SERGEF: variants seen among roughly 807,000 people sequenced by gnomAD.
The protein encoded by SERGEF is secretion-regulating guanine nucleotide exchange factor.
SERGEF carries 51 observed loss-of-function variants against 50.0 expected under a neutral mutation model. That is an observed-to-expected ratio of 1.02 (90% CI 0.81 to 1.29). SERGEF has a LOEUF of 1.29. SERGEF is among the 50% of genes most tolerant of loss of function. The probability of loss-of-function intolerance (pLI) is 0.00; values close to 1 mark genes in which losing one functional copy is unlikely to be tolerated. For synonymous variants in SERGEF, 205 were observed against 212.4 expected, an observed-to-expected ratio of 0.97 and a Z score of 0.30; for missense variants, 521 against 557.0, an observed-to-expected ratio of 0.94 and a Z score of 0.65.
chr11:18,008,180 G>T, intron 1 of SERGEF, 104 bp from the exon 2 acceptor site: 1 of 1,167,752 alleles, frequency 8.6e-7, no homozygotes, highest in Non-Finnish European at 1.2e-6. Flanking sequence ...CTCAGACCCT[G>T]TAACAGATGA....
intron 9 of SERGEF, among the ~76,000 whole-genome samples, chr11:17,879,522 G>A (rs993831096): frequency 2.0e-5 from 3 of 152,150 alleles, no homozygotes; most frequent in African/African-American, 4.8e-5. Context: ...TAAGACTAGA[G>A]CCACCATTCT....
intron 10 of SERGEF, among the ~76,000 whole-genome samples, chr11:17,810,867 G>A (rs1444101470): frequency 2.0e-5 from 3 of 152,068 alleles, no homozygotes; most frequent in East Asian, 3.9e-4. Context: ...GTTCTGGGAT[G>A]CAAGCCAAGC....
intron 9 of SERGEF, among the ~76,000 whole-genome samples, chr11:17,927,154 A>G (rs1852267140): frequency 6.6e-6 from 1 of 152,142 alleles, no homozygotes; most frequent in Non-Finnish European, 1.5e-5. Context: ...AGTGTCCCAG[A>G]CACACCTTTT....
intron 10 of SERGEF, among the ~76,000 whole-genome samples, chr11:17,875,953 T>G (rs1221422895): frequency 2.0e-5 from 3 of 152,186 alleles, no homozygotes; most frequent in Admixed American, 2.0e-4. Flanking sequence ...GCAGTAGGAT[T>G]GAGGGGAGGA....
At chr11:17,820,189 TG>T (rs1850052569) in intron 10 of SERGEF, among the ~76,000 whole-genome samples, 1 of 152,110 alleles carries the variant, frequency 6.6e-6, no homozygotes, top group Non-Finnish European at 1.5e-5. Context: ...TGGGTATTCC[TG>T]CCCTTGTCCT....
rs769726791 is a variant in SERGEF at position 17,992,986 on chromosome 11, C to A, written c.630G>T (p.Glu210Asp). Residue 210 changes from glutamate to aspartate, a missense_variant, in exon 7 of 11, where the codon GAG becomes GAT. Physicochemically the swap from Glu to Asp is conservative, Grantham distance 45. Transcript: ENST00000265965. ...CAAGAACACACATTGCTTTAGAATT[C>A]TCTAGACCTACAAAAGAAAAAATGT... ...AKEPSRVTGL[E>D]NSKAMCVLAG... The A allele has an allele frequency of 6.2e-7, 1 of 1,613,772 alleles. No homozygotes were observed. The highest frequency in any genetic ancestry group is 1.3e-5 in the African/African-American group (1 of 74,934).
intron 9 of SERGEF, among the ~76,000 whole-genome samples, chr11:17,948,093 C>A (rs1852702092): frequency 6.6e-6 from 1 of 151,948 alleles, no homozygotes; most frequent in South Asian, 2.1e-4. Context: ...ATCGCCATGC[C>A]TAATGTTTGT....
chr11:17,861,099 T>C (rs1362432289), intron 10 of SERGEF, among the ~76,000 whole-genome samples: 6 of 152,272 alleles, frequency 3.9e-5, no homozygotes, highest in African/African-American at 1.4e-4. Flanking sequence ...AGGAAGAACA[T>C]TTCCAGTAAT....
chr11:17,899,848 C>T (rs949185740), intron 9 of SERGEF, among the ~76,000 whole-genome samples: 4 of 151,066 alleles, frequency 2.6e-5, no homozygotes, highest in Non-Finnish European at 5.9e-5. Context: ...CCTAGCTACT[C>T]AGGAGGCTGA....
chr11:17,968,700 T>A, intron 8 of SERGEF, among the ~76,000 whole-genome samples: 1 of 121,716 alleles, frequency 8.2e-6, no homozygotes, highest in Non-Finnish European at 1.7e-5. Context: ...CAAGAACCTG[T>A]CTCTAATTTA....
chr11:17,965,864 T>C (rs1361075415), intron 8 of SERGEF, among the ~76,000 whole-genome samples: 2 of 152,230 alleles, frequency 1.3e-5, no homozygotes, highest in Non-Finnish European at 2.9e-5. Flanking sequence ...ACTCAACAGC[T>C]CTAAGTCTTA....
Position 17,923,361 on chromosome 11 carries a change from C to A in SERGEF, c.1011+36109G>T, listed in dbSNP as rs547374055. Among the ~76,000 whole-genome samples the A allele has an allele frequency of 1.5e-3, 224 of 152,290 alleles. 1 individual carries two copies. Among genetic ancestry groups the A allele is most frequent in the Non-Finnish European group, 2.8e-3 (189 of 68,032 alleles). ...GTGGTGGGGTGAGAGGGACTCGGTG[C>A]CAGAGGGCCCAATCCTGGGACATGT... On this transcript the variant is annotated intron_variant, in intron 9 of 10. Coordinates refer to ENST00000265965, the MANE Select transcript of SERGEF (RefSeq NM_012139.4).
intron 10 of SERGEF, among the ~76,000 whole-genome samples, chr11:17,858,871 G>A (rs552690679): frequency 1.9e-4 from 29 of 152,038 alleles, no homozygotes; most frequent in Non-Finnish European, 3.4e-4. Flanking sequence ...TTAAGGAGAG[G>A]GACACCAGAC....
At chr11:17,880,441 T>C (rs897569759) in intron 9 of SERGEF, among the ~76,000 whole-genome samples, 2 of 152,180 alleles carry the variant, frequency 1.3e-5, no homozygotes, top group African/African-American at 4.8e-5. Context: ...GATGGACTAA[T>C]ATGCAGCCTC....
intron 10 of SERGEF, among the ~76,000 whole-genome samples, chr11:17,829,241 C>A (rs1850252600): frequency 6.6e-6 from 1 of 152,190 alleles, no homozygotes; most frequent in Non-Finnish European, 1.5e-5. Flanking sequence ...ATAAATCGGA[C>A]AAACCACTAA....
chr11:17,956,699 C>T (rs570944401), intron 9 of SERGEF, among the ~76,000 whole-genome samples: 1 of 152,202 alleles, frequency 6.6e-6, no homozygotes, highest in East Asian at 1.9e-4. Context: ...ATTCACTCCT[C>T]CTCCTGCTTA....
chr11:18,005,662 C>T (rs186250321), intron 3 of SERGEF, among the ~76,000 whole-genome samples: 1 of 152,256 alleles, frequency 6.6e-6, no homozygotes, highest in East Asian at 1.9e-4. Flanking sequence ...TCCAGAATGG[C>T]CAGCTAGACA....
intron 9 of SERGEF, among the ~76,000 whole-genome samples, chr11:17,921,362 A>G (rs995436048): frequency 6.6e-6 from 1 of 152,232 alleles, no homozygotes; most frequent in Non-Finnish European, 1.5e-5. Context: ...ATAACCTCTA[A>G]TATTCACAAT....
In SERGEF at chr11:17,808,436, G is replaced by A. The variant is rs114114442; in HGVS notation, c.1049-20023C>T. On this transcript the variant is annotated intron_variant, in intron 10 of 10. Transcript: ENST00000265965. Reference sequence around the variant, plus strand: ...GAGCGAGCAGGGGGAAGTGCCATGCGCTTTTAAACAACCAAATCACACATG... The same window carrying A: ...GAGCGAGCAGGGGGAAGTGCCATGCACTTTTAAACAACCAAATCACACATG... Among the ~76,000 whole-genome samples, 419 of 152,218 alleles carry A rather than the reference G, an allele frequency of 2.8e-3. 7 individuals are homozygous for A. The highest frequency in any genetic ancestry group is 9.6e-3 in the African/African-American group (399 of 41,530).
Sources: allele counts gnomAD v4.1 joint callset (sites outside exome capture counted in the v4.1 genomes callset), GRCh38; gene constraint gnomAD v4.1.1; transcripts MANE v1.5; gene names NCBI Gene and HGNC (gene_info 2026-07-23, HGNC 2026-07-21).